ERC2: variants seen among roughly 807,000 people sequenced by gnomAD.
ERC2 encodes ELKS/RAB6-interacting/CAST family member 2, also known as ERC protein 2.
Under a neutral mutation model 114.8 loss-of-function variants are expected in ERC2, and 42 were observed. The observed-to-expected ratio is 0.37, with a 90% CI of 0.29 to 0.47. ERC2 has a LOEUF of 0.47. ERC2 is among the 20% of genes least tolerant of loss of function. The pLI, the probability that ERC2 is intolerant of heterozygous loss-of-function variation, is 0.99. For missense variants in ERC2, 939 were observed against 1,150.7 expected (o/e 0.82, Z 2.66); for synonymous variants, 454 against 425.5 (o/e 1.07, Z -0.82).
chr3:56,284,670 C>T (rs2054561165), intron 3 of ERC2, among the ~76,000 whole-genome samples: 1 of 152,026 alleles, frequency 6.6e-6, no homozygotes, highest in African/African-American at 2.4e-5. Flanking sequence ...ATAAAACTGC[C>T]AATTAATAGT....
chr3:55,916,530 A>C (rs186453021), intron 13 of ERC2, among the ~76,000 whole-genome samples: 2 of 152,312 alleles, frequency 1.3e-5, no homozygotes, highest in South Asian at 2.1e-4. Context: ...GTATCATCAA[A>C]AGTTACACCG....
intron 14 of ERC2, among the ~76,000 whole-genome samples, chr3:55,762,420 A>G (rs2067505747): frequency 6.6e-6 from 1 of 152,216 alleles, no homozygotes; most frequent in African/African-American, 2.4e-5. Context: ...GCCACTGAAA[A>G]TCAATATTTG....
intron 1 of ERC2, among the ~76,000 whole-genome samples, chr3:56,454,718 G>T (rs893997954): frequency 6.6e-6 from 1 of 152,062 alleles, no homozygotes; most frequent in Admixed American, 6.5e-5. Flanking sequence ...GGGCATGTTG[G>T]CATGCACCTG....
chr3:55,906,496 T>G (rs1056558375), intron 13 of ERC2, among the ~76,000 whole-genome samples: 2 of 150,578 alleles, frequency 1.3e-5, no homozygotes, highest in African/African-American at 4.9e-5. Flanking sequence ...CAGCATCACC[T>G]GGAAATGTAT....
chr3:55,870,869 G>A (rs1460630950), intron 14 of ERC2, among the ~76,000 whole-genome samples: 1 of 152,222 alleles, frequency 6.6e-6, no homozygotes, highest in Non-Finnish European at 1.5e-5. Context: ...GTGTGGGACT[G>A]TGGCCTTCAC....
intron 4 of ERC2, among the ~76,000 whole-genome samples, chr3:56,165,887 T>C (rs2150002982): frequency 6.6e-6 from 1 of 152,140 alleles, no homozygotes; most frequent in African/African-American, 2.4e-5. Context: ...AATGTTTTTT[T>C]TTTCTTTCTA....
chr3:55,624,900 A>G (rs2059452038), intron 17 of ERC2, among the ~76,000 whole-genome samples: 1 of 152,224 alleles, frequency 6.6e-6, no homozygotes, highest in South Asian at 2.1e-4. Context: ...CCTCTTCCAG[A>G]GACCTCATTA....
chr3:56,198,998 CTTTATTCA>C (rs1415909637), intron 3 of ERC2, among the ~76,000 whole-genome samples: 1 of 152,180 alleles, frequency 6.6e-6, no homozygotes, highest in Non-Finnish European at 1.5e-5. Flanking sequence ...GGCTCAGTTT[CTTTATTCA>C]TTCAACAGGT....
intron 4 of ERC2, among the ~76,000 whole-genome samples, chr3:56,163,793 A>G (rs1224879252): frequency 6.6e-6 from 1 of 152,112 alleles, no homozygotes; most frequent in Non-Finnish European, 1.5e-5. Flanking sequence ...AAGACAGCAG[A>G]CAGATAAATC....
intron 15 of ERC2, among the ~76,000 whole-genome samples, chr3:55,699,856 T>C (rs1018242515): frequency 6.6e-6 from 1 of 152,162 alleles, no homozygotes; most frequent in African/African-American, 2.4e-5. Flanking sequence ...CAATTATGAC[T>C]GAGACTCTAG....
At chr3:56,090,980 G>C (rs1007541462) in intron 6 of ERC2, among the ~76,000 whole-genome samples, 1 of 152,174 alleles carries the variant, frequency 6.6e-6, no homozygotes, top group African/African-American at 2.4e-5. Flanking sequence ...ATGTGCAGGT[G>C]AGTTCAGAAT....
Position 55,683,845 on chromosome 3 carries a change from G to A in ERC2, c.2862C>T (p.Gly954=). 1 of 1,612,804 alleles carries A rather than the reference G, an allele frequency of 6.2e-7. No individual in the cohort carries two copies. Among genetic ancestry groups the A allele is most frequent in the Non-Finnish European group, 8.5e-7 (1 of 1,179,478 alleles). The change falls in exon 17 of 18, where the codon GGC becomes GGT. Residue 954 remains glycine (G), a synonymous_variant. Coordinates refer to ENST00000288221, the MANE Select transcript of ERC2 (RefSeq NM_015576.3). ...RPSPDQDDEE[G]IWA is the part of the protein sequence containing the mutation. ...TTTACAGGCCCGGCTATGCCCATATGCCCTCCTCGTCATCCTGCGGCCGGC... is the reference window on the plus strand; with the variant it reads ...TTTACAGGCCCGGCTATGCCCATATACCCTCCTCGTCATCCTGCGGCCGGC...
intron 3 of ERC2, among the ~76,000 whole-genome samples, chr3:56,274,492 T>C (rs920244554): frequency 3.6e-5 from 5 of 139,986 alleles, no homozygotes; most frequent in African/African-American, 1.3e-4. Flanking sequence ...GGGAAACCTG[T>C]ATTTTCAATC....
chr3:55,723,861 G>GCTTTT lies in ERC2; in HGVS notation c.2712+10905_2712+10909dup, dbSNP rs573442844. On this transcript the variant is annotated intron_variant, in intron 15 of 17. Transcript: ENST00000288221. ...TGAAGCAAAAAGGAAGTGAAAAGGG[G>GCTTTT]CTTTTCTTTCATTTTGAAATCCAGC... Among the ~76,000 whole-genome samples, 368 of 152,272 alleles carry GCTTTT rather than the reference G, an allele frequency of 2.4e-3. 5 individuals are homozygous for GCTTTT. Among genetic ancestry groups the GCTTTT allele is most frequent in the African/African-American group, 8.3e-3 (344 of 41,534 alleles).
intron 17 of ERC2, among the ~76,000 whole-genome samples, chr3:55,548,370 G>C (rs1023185208): frequency 6.6e-6 from 1 of 152,154 alleles, no homozygotes; most frequent in Non-Finnish European, 1.5e-5. Context: ...TGACTATTTG[G>C]TCAGTTGTTA....
At chr3:55,714,679 A>G (rs1215043446) in intron 15 of ERC2, among the ~76,000 whole-genome samples, 228 of 7,118 alleles carry the variant, frequency 0.032, no homozygotes, top group African/African-American at 0.09. Flanking sequence ...ATATATATAT[A>G]TATATATATA....
intron 14 of ERC2, among the ~76,000 whole-genome samples, chr3:55,769,892 G>A (rs1052945352): frequency 2.0e-5 from 3 of 152,174 alleles, no homozygotes; most frequent in Non-Finnish European, 4.4e-5. Flanking sequence ...GGCAGATCAT[G>A]TTGTCATTCA....
chr3:55,891,603 C>T (rs1404547249), intron 13 of ERC2, among the ~76,000 whole-genome samples: 6 of 151,992 alleles, frequency 3.9e-5, no homozygotes, highest in East Asian at 1.9e-4. Flanking sequence ...CATGCCACCA[C>T]GCCCAGCTAA....
At chr3:55,761,673 G>A (rs2067440576) in intron 14 of ERC2, among the ~76,000 whole-genome samples, 1 of 152,064 alleles carries the variant, frequency 6.6e-6, no homozygotes, top group African/African-American at 2.4e-5. Context: ...GGAGGGACCT[G>A]GTGAGGGGTG....
Sources: gnomAD v4.1 joint callset for allele counts (sites outside exome capture counted in the v4.1 genomes callset) on GRCh38, gnomAD v4.1.1 for gene constraint, MANE v1.5 for transcripts, NCBI Gene and HGNC (gene_info 2026-07-23, HGNC 2026-07-21) for gene names.